The following LYPD6B variants were observed in gnomAD, a reference collection of about 807,000 sequenced individuals.
LYPD6B encodes the protein ly6/PLAUR domain-containing protein 6B.
Under a neutral mutation model 22.8 loss-of-function variants are expected in LYPD6B, and 17 were observed. The ratio of observed to expected loss-of-function variants is 0.75; its 90% CI spans 0.51 to 1.12. LYPD6B has a LOEUF of 1.12. LYPD6B is among the 50% of genes most tolerant of loss of function. LYPD6B has a pLI of 0.00. For synonymous variants in LYPD6B, 106 were observed against 91.6 expected, an observed-to-expected ratio of 1.16 and a Z score of -0.90; for missense variants, 221 against 258.3, an observed-to-expected ratio of 0.86 and a Z score of 0.99.
intron 2 of LYPD6B, among the ~76,000 whole-genome samples, chr2:149,133,790 G>A (rs747686424): frequency 2.6e-5 from 4 of 152,166 alleles, no homozygotes; most frequent in Non-Finnish European, 5.9e-5. Flanking sequence ...GAGATACACA[G>A]GAGAATGTGT....
At chr2:149,078,551 C>A (rs1684979167) in intron 1 of LYPD6B, among the ~76,000 whole-genome samples, 1 of 152,158 alleles carries the variant, frequency 6.6e-6, no homozygotes, top group Non-Finnish European at 1.5e-5. Context: ...TACAGTGTAC[C>A]TAAGAGGAAC....
chr2:149,195,922 T>A (rs1692778051), intron 3 of LYPD6B, among the ~76,000 whole-genome samples: 1 of 152,204 alleles, frequency 6.6e-6, no homozygotes, highest in Non-Finnish European at 1.5e-5. Flanking sequence ...AGGCAGTAGA[T>A]CCTGGACAGA....
intron 1 of LYPD6B, among the ~76,000 whole-genome samples, chr2:149,059,397 G>A (rs1215762239): frequency 6.6e-6 from 1 of 152,210 alleles, no homozygotes; most frequent in Non-Finnish European, 1.5e-5. Flanking sequence ...AGCCAATATA[G>A]TGCCTTTTGT....
chr2:149,208,067 T>C (rs1446563089), intron 4 of LYPD6B, among the ~76,000 whole-genome samples: 1 of 152,158 alleles, frequency 6.6e-6, no homozygotes, highest in Non-Finnish European at 1.5e-5. Context: ...TCTTTCAAAG[T>C]AGCTGTGGGA....
chr2:149,095,304 A>T (rs1008692623), intron 1 of LYPD6B, among the ~76,000 whole-genome samples: 1 of 152,200 alleles, frequency 6.6e-6, no homozygotes, highest in Admixed American at 6.5e-5. Flanking sequence ...ATTTAAATAA[A>T]AAAATAAAAT....
intron 1 of LYPD6B, among the ~76,000 whole-genome samples, chr2:149,039,330 A>G (rs1011288444): frequency 6.6e-6 from 1 of 152,014 alleles, no homozygotes; most frequent in African/African-American, 2.4e-5. Flanking sequence ...CCTACCTTAC[A>G]CATTGGTTAG....
At chr2:149,129,538 G>A (rs1687898958) in intron 1 of LYPD6B, among the ~76,000 whole-genome samples, 2 of 152,190 alleles carry the variant, frequency 1.3e-5, no homozygotes, top group Non-Finnish European at 2.9e-5. Context: ...AAGCTTTGTG[G>A]ATTTCCTCCT....
At chr2:149,068,614 C>T (rs1679325754) in intron 1 of LYPD6B, 2 of 477,128 alleles carry the variant, frequency 4.2e-6, no homozygotes, top group African/African-American at 4.0e-5. Context: ...TTAGTGGTGG[C>T]TTCAAGATTT....
At chr2:149,149,951 A>G (rs1350131842) in intron 2 of LYPD6B, among the ~76,000 whole-genome samples, 3 of 151,310 alleles carry the variant, frequency 2.0e-5, no homozygotes, top group African/African-American at 7.3e-5. Context: ...TGCGTATACC[A>G]CTCTTTCTTG....
intron 1 of LYPD6B, among the ~76,000 whole-genome samples, chr2:149,120,339 G>GTA (rs1170534857): frequency 3.6e-5 from 4 of 112,040 alleles, no homozygotes; most frequent in South Asian, 2.8e-4. Context: ...ATATATATGT[G>GTA]TATATATATA....
intron 1 of LYPD6B, among the ~76,000 whole-genome samples, chr2:149,099,138 A>T (rs1256629120): frequency 6.6e-6 from 1 of 152,208 alleles, no homozygotes; most frequent in Non-Finnish European, 1.5e-5. Flanking sequence ...AGAGAGGGAC[A>T]CAGGCACTTG....
intron 2 of LYPD6B, 126 bp downstream of exon 2, chr2:149,131,079 C>T: frequency 2.9e-6 from 2 of 700,896 alleles, no homozygotes; most frequent in African/African-American, 3.5e-5. Context: ...TTTCATTAAT[C>T]TCAGGGATTA....
At chr2:149,107,302 GC>G (rs1367192186) in intron 1 of LYPD6B, among the ~76,000 whole-genome samples, 2 of 152,152 alleles carry the variant, frequency 1.3e-5, no homozygotes, top group Non-Finnish European at 2.9e-5. Flanking sequence ...GTGGGACAAA[GC>G]GATGTTTTAC....
intron 2 of LYPD6B, among the ~76,000 whole-genome samples, chr2:149,155,396 G>C (rs1689632723): frequency 6.6e-6 from 1 of 152,216 alleles, no homozygotes; most frequent in African/African-American, 2.4e-5. Flanking sequence ...GCAAGTGTCA[G>C]TATTGCCCTG....
intron 1 of LYPD6B, among the ~76,000 whole-genome samples, chr2:149,042,172 A>G (rs1286320641): frequency 6.6e-6 from 1 of 152,236 alleles, no homozygotes; most frequent in Non-Finnish European, 1.5e-5. Flanking sequence ...CTGGACTAGT[A>G]AACAATTCTC....
chr2:149,083,363 A>G (rs757226608), intron 1 of LYPD6B, among the ~76,000 whole-genome samples: 2 of 152,236 alleles, frequency 1.3e-5, no homozygotes, highest in Non-Finnish European at 1.5e-5. Flanking sequence ...TTTCACACTT[A>G]TCTAATAATA....
chr2:149,150,401 A>G (rs746024422), intron 2 of LYPD6B, among the ~76,000 whole-genome samples: 1 of 152,212 alleles, frequency 6.6e-6, no homozygotes, highest in Non-Finnish European at 1.5e-5. Context: ...GATCCTTTGC[A>G]TATATAAAAG....
At chr2:149,116,922 A>G (rs955162469) in intron 1 of LYPD6B, among the ~76,000 whole-genome samples, 1 of 152,112 alleles carries the variant, frequency 6.6e-6, no homozygotes, top group Non-Finnish European at 1.5e-5. Context: ...AGAAGCTTCT[A>G]GTTTCCCCCC....
chr2:149,098,402 G>T (rs1261578211), intron 1 of LYPD6B, among the ~76,000 whole-genome samples: 1 of 151,916 alleles, frequency 6.6e-6, no homozygotes, highest in Non-Finnish European at 1.5e-5. Flanking sequence ...AAGAGGGTGG[G>T]TAAACTGAGG....
Sources: gnomAD v4.1 joint callset for allele counts (sites outside exome capture counted in the v4.1 genomes callset) on GRCh38, gnomAD v4.1.1 for gene constraint, MANE v1.5 for transcripts, NCBI Gene and HGNC (gene_info 2026-07-23, HGNC 2026-07-21) for gene names.